Variants in CSMD1 observed in about 807,000 individuals in gnomAD.
CSMD1 encodes CUB and Sushi multiple domains 1, also known as CUB and sushi domain-containing protein 1.
A neutral mutation model predicts 417.5 loss-of-function variants in CSMD1; 213 were observed. That is an observed-to-expected ratio of 0.51 (90% CI 0.46 to 0.57). CSMD1 has a LOEUF of 0.57. Among genes scored for constraint, CSMD1 ranks in the 20% least tolerant of loss-of-function variants. The probability of loss-of-function intolerance (pLI) is 0.00; values close to 1 mark genes in which losing one functional copy is unlikely to be tolerated. For missense variants in CSMD1, 6,923 were observed against 4,529.7 expected (o/e 1.53, Z -15.17); for synonymous variants, 2,862 against 1,736.8 (o/e 1.65, Z -16.11).
At chr8:4,723,875 C>G (rs1438820010) in intron 1 of CSMD1, among the ~76,000 whole-genome samples, 1 of 150,654 alleles carries the variant, frequency 6.6e-6, no homozygotes, top group Admixed American at 6.6e-5. Context: ...CTTCCCAAAA[C>G]TAACTGTCAT....
intron 3 of CSMD1, among the ~76,000 whole-genome samples, chr8:4,192,465 G>A (rs73658454): frequency 0.028 from 4,256 of 152,098 alleles, 214 homozygotes; most frequent in African/African-American, 0.097. Flanking sequence ...CGTGAATCTC[G>A]GTAGCACTGA....
intron 3 of CSMD1, among the ~76,000 whole-genome samples, chr8:4,180,009 A>T (rs1373529736): frequency 6.6e-6 from 1 of 152,112 alleles, no homozygotes; most frequent in African/African-American, 2.4e-5. Context: ...CCATTGTGGA[A>T]GTCAGTGTGG....
intron 6 of CSMD1, among the ~76,000 whole-genome samples, chr8:3,727,493 G>C (rs969767644): frequency 2.0e-5 from 3 of 152,324 alleles, no homozygotes; most frequent in African/African-American, 7.2e-5. Flanking sequence ...TAAGAAGCTA[G>C]AGCTCTCATG....
chr8:3,319,410 CAT>C (rs1340874637), intron 23 of CSMD1, among the ~76,000 whole-genome samples: 2 of 152,126 alleles, frequency 1.3e-5, no homozygotes, highest in African/African-American at 2.4e-5. Context: ...TCAAATTAAA[CAT>C]AATTGAAAAC....
intron 5 of CSMD1, among the ~76,000 whole-genome samples, chr8:3,915,931 A>C (rs937985782): frequency 6.6e-6 from 1 of 151,294 alleles, no homozygotes; most frequent in Non-Finnish European, 1.5e-5. Flanking sequence ...GCAGACCTAC[A>C]TAAACTGGCT....
intron 2 of CSMD1, among the ~76,000 whole-genome samples, chr8:4,458,755 A>G (rs570162719): frequency 7.9e-4 from 120 of 152,280 alleles, no homozygotes; most frequent in Middle Eastern, 6.8e-3. Context: ...TTACAAAAAC[A>G]TTTTATGCAT....
intron 3 of CSMD1, among the ~76,000 whole-genome samples, chr8:4,268,918 G>C (rs1325628201): frequency 2.0e-5 from 3 of 152,158 alleles, no homozygotes; most frequent in Non-Finnish European, 2.9e-5. Context: ...CAAGATGCTT[G>C]CTATTTGGAG....
At chr8:3,762,424 G>C (rs773189237) in intron 5 of CSMD1, among the ~76,000 whole-genome samples, 1 of 152,332 alleles carries the variant, frequency 6.6e-6, no homozygotes, top group Admixed American at 6.5e-5. Context: ...TGACACGCCA[G>C]ACTTACCCTT....
chr8:3,887,646 C>G (rs1170633853), intron 5 of CSMD1, among the ~76,000 whole-genome samples: 1 of 152,154 alleles, frequency 6.6e-6, no homozygotes. Context: ...GAACACTGTT[C>G]CACACCTAGA....
At chr8:3,905,221 T>C (rs1329079481) in intron 5 of CSMD1, among the ~76,000 whole-genome samples, 1 of 152,188 alleles carries the variant, frequency 6.6e-6, no homozygotes, top group Non-Finnish European at 1.5e-5. Flanking sequence ...TTCTGCATAA[T>C]ATAATTTTTC....
chr8:3,454,547 G>C (rs182891600), intron 12 of CSMD1, among the ~76,000 whole-genome samples: 77 of 152,236 alleles, frequency 5.1e-4, no homozygotes, highest in African/African-American at 1.6e-3. Flanking sequence ...GTCTGTAAAG[G>C]ATTTTATTTC....
At chr8:3,209,287 GTTTGTTTA>G (rs1256806987) in intron 30 of CSMD1, among the ~76,000 whole-genome samples, 118 of 80,748 alleles carry the variant, frequency 1.5e-3, no homozygotes, top group Non-Finnish European at 1.7e-3. Context: ...TTATTTGTTT[GTTTGTTTA>G]TTTATTTATT....
intron 41 of CSMD1, among the ~76,000 whole-genome samples, chr8:3,134,606 T>A (rs1050838866): frequency 2.0e-5 from 3 of 152,226 alleles, no homozygotes; most frequent in Admixed American, 2.0e-4. Context: ...TTGTTCTTTT[T>A]AAACTGACTT....
At chr8:4,190,926 C>T (rs564111951) in intron 3 of CSMD1, among the ~76,000 whole-genome samples, 5 of 148,514 alleles carry the variant, frequency 3.4e-5, no homozygotes, top group South Asian at 2.1e-4. Context: ...CATAGGTGAA[C>T]GACACAAACT....
intron 1 of CSMD1, among the ~76,000 whole-genome samples, chr8:4,686,512 G>T (rs370971914): frequency 6.6e-6 from 1 of 152,174 alleles, no homozygotes; most frequent in East Asian, 1.9e-4. Flanking sequence ...GAAAACACGG[G>T]AGCACAGCGA....
intron 1 of CSMD1, chr8:4,787,750 G>C: frequency 6.3e-7 from 1 of 1,588,638 alleles, no homozygotes. Flanking sequence ...ACAGCTGATT[G>C]CTGCAAAATT....
At chr8:4,964,674 T>G (rs938593192) in intron 1 of CSMD1, among the ~76,000 whole-genome samples, 3 of 152,106 alleles carry the variant, frequency 2.0e-5, no homozygotes, top group Admixed American at 6.6e-5. Flanking sequence ...TTCTCAGAGA[T>G]TCTCCATTCT....
intron 3 of CSMD1, among the ~76,000 whole-genome samples, chr8:4,053,537 A>C (rs2130704895): frequency 6.6e-6 from 1 of 152,024 alleles, no homozygotes; most frequent in East Asian, 1.9e-4. Context: ...TTGTTATCTC[A>C]AGTGGTTTTC....
chr8:3,799,344 C>A (rs995055198), intron 5 of CSMD1, among the ~76,000 whole-genome samples: 2 of 150,550 alleles, frequency 1.3e-5, no homozygotes, highest in Non-Finnish European at 3.0e-5. Context: ...TGTGCTGCAC[C>A]CATTAACTCG....
Sources: allele counts gnomAD v4.1 joint callset (sites outside exome capture counted in the v4.1 genomes callset), GRCh38; gene constraint gnomAD v4.1.1; transcripts MANE v1.5; gene names NCBI Gene and HGNC (gene_info 2026-07-23, HGNC 2026-07-21).